Variants in DNAH9 observed in about 807,000 individuals in gnomAD.
DNAH9 encodes the protein dynein axonemal heavy chain 9.
DNAH9 carries 345 observed loss-of-function variants against 471.6 expected under a neutral mutation model. That is an observed-to-expected ratio of 0.73 (90% confidence interval 0.67 to 0.80). DNAH9 has a LOEUF of 0.80. Among genes scored for constraint, DNAH9 ranks in the 30% least tolerant of loss-of-function variants. The pLI, the probability that DNAH9 is intolerant of heterozygous loss-of-function variation, is 0.00. For synonymous variants in DNAH9, 2,093 were observed against 2,123.6 expected, an observed-to-expected ratio of 0.99 and a Z score of 0.40; for missense variants, 5,407 against 5,609.2, an observed-to-expected ratio of 0.96 and a Z score of 1.15.
chr17:11,598,562 G>A lies in DNAH9; in HGVS notation c.64G>A (p.Asp22Asn). 2.8e-6 allele frequency: 4 copies of A among 1,407,178 alleles called. No homozygotes were observed. Among genetic ancestry groups the A allele is most frequent in the Admixed American group, 3.3e-5 (1 of 30,512 alleles). The allele number at this position is 1,407,178 out of a possible 1,614,324, so 87.2% of individuals were successfully genotyped here. A position where few individuals can be genotyped will look rare whatever the true frequency, so the allele number is the denominator to read the frequency against. The change falls in exon 1 of 69, where the codon GAC becomes AAC. Residue 22 changes from aspartate (D) to asparagine (N), a missense_variant. Physicochemically the swap from Asp to Asn is conservative, Grantham distance 23. Transcript: ENST00000262442. ...GAACGCGGATGGGGAACCCGGCGCCGACCGACGACTGCGACTCCTGGGGAC... is the reference window on the plus strand; with the variant it reads ...GAACGCGGATGGGGAACCCGGCGCCAACCGACGACTGCGACTCCTGGGGAC... The part of the protein sequence containing the change: ...AENADGEPGA[D>N]RRLRLLGTYV...
At chr17:11,625,404 G>C (rs564385380) in intron 6 of DNAH9, among the ~76,000 whole-genome samples, 2 of 152,248 alleles carry the variant, frequency 1.3e-5, no homozygotes, top group South Asian at 4.1e-4. Flanking sequence ...GCCGAATTGG[G>C]TATCTTCCCT....
At chr17:11,805,545 T>C (rs1208826941) in intron 43 of DNAH9, among the ~76,000 whole-genome samples, 2 of 106,312 alleles carry the variant, frequency 1.9e-5, no homozygotes, top group Admixed American at 1.0e-4. Context: ...TTTTTTTTTT[T>C]TTTTTTTTTT....
At chr17:11,680,119 G>A (rs956415437) in intron 18 of DNAH9, 140 bp downstream of exon 18, 19 of 663,544 alleles carry the variant, frequency 2.9e-5, no homozygotes, top group African/African-American at 7.3e-5. Flanking sequence ...AATGTGTAGC[G>A]TATTTGTAAC....
intron 41 of DNAH9, among the ~76,000 whole-genome samples, chr17:11,790,516 G>T (rs1454522860): frequency 2.0e-5 from 3 of 151,786 alleles, no homozygotes; most frequent in Non-Finnish European, 4.4e-5. Flanking sequence ...ATATTTTTAT[G>T]ACATGTTTTC....
intron 61 of DNAH9, among the ~76,000 whole-genome samples, chr17:11,919,153 A>G (rs1974049385): frequency 6.6e-6 from 1 of 151,980 alleles, no homozygotes; most frequent in Non-Finnish European, 1.5e-5. Flanking sequence ...ACCAGAGGGC[A>G]TGTTTTTTCA....
chr17:11,947,460 A>T lies in DNAH9; in HGVS notation c.12843+4975A>T, dbSNP rs571851353. Among the ~76,000 whole-genome samples the T allele has an allele frequency of 1.7e-4, 26 of 152,348 alleles. No individual in the cohort carries two copies. In the South Asian group the frequency reaches 5.2e-3, roughly 30 times the overall value. On this transcript the variant is annotated intron_variant, in intron 67 of 68. Coordinates refer to ENST00000262442, the MANE Select transcript of DNAH9 (RefSeq NM_001372.4). ...GGTGCCTACTGAGCCTTGAAATGGA[A>T]TAGTCCAAATTGAGATGTGCTATAA... is the stretch of plus-strand genomic sequence containing the variant.
rs1253794533 is a variant in DNAH9, at chr17:11,843,863, G to GTGTGTGTGTATATATATA, written c.9507+8966_9507+8967insGTGTGTGTATATATATAT. On this transcript the variant is annotated intron_variant, in intron 49 of 68. Coordinates refer to ENST00000262442, the MANE Select transcript of DNAH9 (RefSeq NM_001372.4). ...TGTTTGTGTGTGTGTGTGTGTGTGTGTATATATATATATATATATATATAT... is the reference window on the plus strand; with the variant it reads ...TGTTTGTGTGTGTGTGTGTGTGTGTGTGTGTGTGTATATATATATATATATATATATATATATATATAT... Among the ~76,000 whole-genome samples the GTGTGTGTGTATATATATA allele has an allele frequency of 7.5e-3, 350 of 46,446 alleles. 8 individuals carry two copies. The highest frequency in any genetic ancestry group is 0.059 in the Middle Eastern group (2 of 34). The allele number at this position is 46,446 out of a possible 152,430, so 30.5% of individuals were successfully genotyped here.
chr17:11,921,231 GA>G (rs1230945943), intron 61 of DNAH9, among the ~76,000 whole-genome samples: 1 of 145,718 alleles, frequency 6.9e-6, no homozygotes, highest in Non-Finnish European at 1.5e-5. Context: ...TGAAAAAAAA[GA>G]AAAAAAGGTG....
At chr17:11,762,758 G>GTTTTTGTT (rs763222987) in intron 35 of DNAH9, among the ~76,000 whole-genome samples, 5 of 94,776 alleles carry the variant, frequency 5.3e-5, no homozygotes, top group African/African-American at 1.9e-4. Flanking sequence ...CTTTAGGTGC[G>GTTTTTGTT]TTTTTTTTTT....
rs139990321 is a variant in DNAH9 at position 11,925,341 on chromosome 17, G to T, written c.11877+1400G>T. 134 of 343,978 alleles carry T rather than the reference G, an allele frequency of 3.9e-4. 1 individual carries two copies. In the East Asian group the frequency reaches 0.011, roughly 28 times the overall value. The allele number at this position is 343,978 out of a possible 1,614,324, so 21.3% of individuals were successfully genotyped here. A position where few individuals can be genotyped will look rare whatever the true frequency, so the allele number is the denominator to read the frequency against. On this transcript the variant is annotated intron_variant, in intron 62 of 68. Transcript: ENST00000262442. ...CTACCATGAACCTCCCCCATCTCCT[G>T]ATTACTGGTGACATCACATCTTGCT... is the stretch of plus-strand genomic sequence containing the variant.
intron 12 of DNAH9, among the ~76,000 whole-genome samples, chr17:11,647,625 A>G (rs1024544810): frequency 2.0e-5 from 3 of 152,174 alleles, no homozygotes; most frequent in Non-Finnish European, 2.9e-5. Flanking sequence ...CCTACCTTGA[A>G]CTTACCATGT....
intron 27 of DNAH9, chr17:11,723,274 A>T (rs2075093814): frequency 6.6e-6 from 1 of 152,212 alleles, no homozygotes; most frequent in African/African-American, 2.4e-5. Context: ...TTTCCCTGAG[A>T]TCCTGGTGGA....
intron 19 of DNAH9, among the ~76,000 whole-genome samples, chr17:11,686,447 A>G (rs983419741): frequency 2.0e-5 from 3 of 152,122 alleles, no homozygotes; most frequent in African/African-American, 7.2e-5. Flanking sequence ...CTTATACTGT[A>G]TCATTTCCCC....
chr17:11,853,983 A>G lies in DNAH9; in HGVS notation c.9508-20A>G. 6.2e-7 allele frequency: 1 copy of G among 1,609,124 alleles called. No homozygotes were observed. The highest frequency in any genetic ancestry group is 8.5e-7 in the Non-Finnish European group (1 of 1,177,042). ...AAAGCCCATTCATGTTCCCCTAACC[A>G]CCTCCTTCTCTTTTCCCAGACCAAC... is the stretch of plus-strand genomic sequence containing the variant. On this transcript the variant is annotated intron_variant, in intron 49 of 68. Coordinates refer to ENST00000262442, the MANE Select transcript of DNAH9 (RefSeq NM_001372.4).
intron 39 of DNAH9, among the ~76,000 whole-genome samples, 179 bp from the exon 40 acceptor site, chr17:11,783,467 T>C (rs1968742269): frequency 2.6e-5 from 4 of 152,176 alleles, no homozygotes; most frequent in South Asian, 4.1e-4. Context: ...TCCTTAGATA[T>C]GGAGGTACCT....
intron 50 of DNAH9, among the ~76,000 whole-genome samples, chr17:11,867,905 A>G (rs190991363): frequency 7.2e-5 from 11 of 152,334 alleles, no homozygotes; most frequent in Non-Finnish European, 1.5e-4. Flanking sequence ...TAGGCTTCCA[A>G]TTAATCTTCA....
At chr17:11,870,820 CT>C (rs767849130) in intron 51 of DNAH9, among the ~76,000 whole-genome samples, 2 of 152,170 alleles carry the variant, frequency 1.3e-5, no homozygotes, top group Non-Finnish European at 2.9e-5. Context: ...GAAGCCACCC[CT>C]GTCTCTACCG....
In DNAH9 at chr17:11,861,967, G is replaced by A. The variant is rs983971521; in HGVS notation, c.9934-7167G>A. 1.8e-4 allele frequency among the ~76,000 whole-genome samples: 28 copies of A among 151,556 alleles called. No individual in the cohort carries two copies. The South Asian group carries it at 3.3e-3, about 18-fold the overall frequency. On this transcript the variant is annotated intron_variant, in intron 50 of 68. Transcript: ENST00000262442. Reference sequence around the variant, plus strand: ...TTGCAAAAATTTTCTCCCATTTTGTGGTTTGCCTGTTCACTCTGATGGTAG... The same window carrying A: ...TTGCAAAAATTTTCTCCCATTTTGTAGTTTGCCTGTTCACTCTGATGGTAG...
chr17:11,690,478 C>T (rs780207424), intron 20 of DNAH9, 42 bp downstream of exon 20: 2 of 1,573,376 alleles, frequency 1.3e-6, no homozygotes, highest in Non-Finnish European at 1.7e-6. Flanking sequence ...TTCTCTGATC[C>T]AGGGTGAAGG....
Sources: gnomAD v4.1 joint callset for allele counts (sites outside exome capture counted in the v4.1 genomes callset) on GRCh38, gnomAD v4.1.1 for gene constraint, MANE v1.5 for transcripts, NCBI Gene and HGNC (gene_info 2026-07-23, HGNC 2026-07-21) for gene names.